The following PHLPP1 variants were observed in gnomAD, a reference collection of about 807,000 sequenced individuals.
The protein encoded by PHLPP1 is PH domain leucine-rich repeat-containing protein phosphatase 1.
Under a neutral mutation model 117.2 loss-of-function variants are expected in PHLPP1, and 42 were observed. The observed-to-expected ratio is 0.36, with a 90% CI of 0.28 to 0.46. The LOEUF is 0.46. Among genes scored for constraint, PHLPP1 ranks in the 20% least tolerant of loss-of-function variants. The probability of loss-of-function intolerance (pLI) is 1.00; values close to 1 mark genes in which losing one functional copy is unlikely to be tolerated. For synonymous variants in PHLPP1, 1,042 were observed against 970.7 expected (o/e 1.07, Z -1.37); for missense variants, 2,084 against 2,241.9 (o/e 0.93, Z 1.42).
chr18:62,849,680 A>G (rs1915274996), intron 3 of PHLPP1, among the ~76,000 whole-genome samples: 1 of 145,954 alleles, frequency 6.9e-6, no homozygotes, highest in Admixed American at 6.9e-5. Flanking sequence ...TCTACCAGGC[A>G]TGGTGAATGG....
At chr18:62,855,669 T>G (rs1915477034) in intron 3 of PHLPP1, among the ~76,000 whole-genome samples, 1 of 152,200 alleles carries the variant, frequency 6.6e-6, no homozygotes, top group African/African-American at 2.4e-5. Context: ...TAATGTGGTT[T>G]CCTCCTCCTT....
chr18:62,854,489 CGAG>C (rs1915443300), intron 3 of PHLPP1, among the ~76,000 whole-genome samples: 1 of 152,180 alleles, frequency 6.6e-6, no homozygotes, highest in Non-Finnish European at 1.5e-5. Context: ...CTGCTTCTCC[CGAG>C]GAGGACTCAC....
intron 1 of PHLPP1, among the ~76,000 whole-genome samples, chr18:62,754,876 G>C (rs1911964646): frequency 6.6e-6 from 1 of 152,176 alleles, no homozygotes; most frequent in African/African-American, 2.4e-5. Flanking sequence ...CATACCTGTA[G>C]TCCCAGCTAC....
intron 2 of PHLPP1, chr18:62,838,485 C>T: frequency 4.2e-6 from 1 of 238,738 alleles, no homozygotes; most frequent in Non-Finnish European, 8.0e-6. Context: ...AGTAAGAACC[C>T]CAGCACCCTA....
At chr18:62,920,718 C>T (rs1306980053) in intron 10 of PHLPP1, among the ~76,000 whole-genome samples, 1 of 152,126 alleles carries the variant, frequency 6.6e-6, no homozygotes, top group Non-Finnish European at 1.5e-5. Flanking sequence ...TGCCACCACG[C>T]CCAGCTAATT....
chr18:62,716,850 G>T lies in PHLPP1; in HGVS notation c.1167G>T (p.Gly389=). The change falls in exon 1 of 17, where the codon GGG becomes GGT. Residue 389 remains glycine (G), a synonymous_variant. Transcript: ENST00000262719. The surrounding 1 kb of genome is among the most constrained non-coding windows in gnomAD (Gnocchi z 5.7). ...CCGACGCAGCCTCGGCCCCGACGGG[G>T]GTCCCGGGCCAGCCCCGCCGTCCCG... ...LEADAASAPT[G]VPGQPRRPGH... is the part of the protein sequence containing the mutation. 1 of 1,523,170 alleles carries T rather than the reference G, an allele frequency of 6.6e-7. No homozygotes were observed. The highest frequency in any genetic ancestry group is 8.8e-7 in the Non-Finnish European group (1 of 1,141,268). 94.4% of individuals were successfully genotyped at this position (1,523,170 alleles called of 1,614,324 possible).
intron 3 of PHLPP1, among the ~76,000 whole-genome samples, chr18:62,850,068 C>A (rs1251721777): frequency 1.5e-5 from 2 of 133,254 alleles, no homozygotes; most frequent in African/African-American, 2.7e-5. Flanking sequence ...GGAAATTAAA[C>A]ATCAATTTTT....
intron 1 of PHLPP1, among the ~76,000 whole-genome samples, chr18:62,732,221 C>A (rs1911246370): frequency 6.6e-6 from 1 of 152,180 alleles, no homozygotes. Flanking sequence ...CAGTACCTGG[C>A]TTCCTTCAAA....
intron 3 of PHLPP1, among the ~76,000 whole-genome samples, chr18:62,840,038 T>A (rs1915013879): frequency 6.6e-6 from 1 of 152,060 alleles, no homozygotes. Flanking sequence ...TATTTTTGAA[T>A]TGGTAATTTA....
chr18:62,950,468 T>A (rs191503161), intron 12 of PHLPP1, among the ~76,000 whole-genome samples: 7 of 152,280 alleles, frequency 4.6e-5, no homozygotes, highest in Admixed American at 4.6e-4. Context: ...GCAAGCCCTG[T>A]TTGTTGTTGT....
intron 1 of PHLPP1, among the ~76,000 whole-genome samples, chr18:62,730,080 C>T (rs868383596): frequency 6.6e-6 from 1 of 152,178 alleles, no homozygotes; most frequent in South Asian, 2.1e-4. Flanking sequence ...AATTCAAGTT[C>T]AGGCATCACA....
At chr18:62,841,546 C>T (rs1231371573) in intron 3 of PHLPP1, among the ~76,000 whole-genome samples, 1 of 151,736 alleles carries the variant, frequency 6.6e-6, no homozygotes, top group Non-Finnish European at 1.5e-5. Flanking sequence ...GTTGGCAAGG[C>T]TAGTGTCCAA....
intron 1 of PHLPP1, among the ~76,000 whole-genome samples, chr18:62,814,919 GC>G (rs1360545793): frequency 6.6e-6 from 1 of 152,124 alleles, no homozygotes; most frequent in African/African-American, 2.4e-5. Flanking sequence ...GTGAGGTTTT[GC>G]CCCAAAACTT....
chr18:62,830,522 C>T (rs1914729496), intron 2 of PHLPP1, among the ~76,000 whole-genome samples: 1 of 152,170 alleles, frequency 6.6e-6, no homozygotes, highest in African/African-American at 2.4e-5. Flanking sequence ...AGCCACCATG[C>T]CAGGCCGAAA....
At chr18:62,882,946 TAAAAAAAAA>T (rs35265223) in intron 4 of PHLPP1, among the ~76,000 whole-genome samples, 81 of 121,528 alleles carry the variant, frequency 6.7e-4, no homozygotes, top group Non-Finnish European at 1.1e-3. Context: ...GACCACATCT[TAAAAAAAAA>T]AAAAAAAGAA....
At chr18:62,766,096 TATATATAAA>T (rs1251000019) in intron 1 of PHLPP1, among the ~76,000 whole-genome samples, 26 of 81,494 alleles carry the variant, frequency 3.2e-4, no homozygotes, top group East Asian at 1.2e-3. Flanking sequence ...TATATATATA[TATATATAAA>T]ATATATATAT....
At chr18:62,748,693 G>C (rs1045041455) in intron 1 of PHLPP1, among the ~76,000 whole-genome samples, 10 of 151,902 alleles carry the variant, frequency 6.6e-5, no homozygotes, top group Non-Finnish European at 1.5e-4. Context: ...CTGTTTACTT[G>C]GTATATATTT....
intron 1 of PHLPP1, among the ~76,000 whole-genome samples, chr18:62,806,694 T>G (rs1295819310): frequency 6.6e-6 from 1 of 152,234 alleles, no homozygotes; most frequent in Non-Finnish European, 1.5e-5. Context: ...TTTGCAATGT[T>G]GAAATTAGAT....
At chr18:62,955,650 T>A (rs1487921617) in intron 12 of PHLPP1, among the ~76,000 whole-genome samples, 1 of 152,212 alleles carries the variant, frequency 6.6e-6, no homozygotes, top group Non-Finnish European at 1.5e-5. Context: ...ATTATCTTCA[T>A]AAGTAATTAG....
Sources: allele counts gnomAD v4.1 joint callset (sites outside exome capture counted in the v4.1 genomes callset), GRCh38; gene constraint gnomAD v4.1.1; non-coding constraint Gnocchi (gnomAD v3.1); transcripts MANE v1.5; gene names NCBI Gene and HGNC (gene_info 2026-07-23, HGNC 2026-07-21).